Variants in RXRG observed in about 807,000 individuals in gnomAD.
The protein encoded by RXRG is retinoic acid receptor RXR-gamma.
RXRG carries 19 observed loss-of-function variants against 49.2 expected under a neutral mutation model. The ratio of observed to expected loss-of-function variants is 0.39; its 90% CI spans 0.27 to 0.57. RXRG has a LOEUF of 0.57. RXRG is among the 20% of genes least tolerant of loss of function. RXRG has a pLI of 0.64. For synonymous variants in RXRG, 224 were observed against 216.6 expected, an observed-to-expected ratio of 1.03 and a Z score of -0.30; for missense variants, 452 against 592.5, an observed-to-expected ratio of 0.76 and a Z score of 2.46.
chr1:165,424,812 G>A, intron 2 of RXRG: 4 of 985,466 alleles, frequency 4.1e-6, no homozygotes, highest in Non-Finnish European at 4.8e-6. Flanking sequence ...ACCAGTCCTG[G>A]GTGAGGAAGG....
In RXRG at chr1:165,428,539, A is replaced by T. The variant is rs552205860; in HGVS notation, c.297+180T>A. ...CATGAGGAGTTGTCAGTTCTTCAGG[A>T]CTGCTCAGCCTGAGGACACATGCAA... On this transcript the variant is annotated intron_variant, in intron 2 of 9. Coordinates refer to ENST00000359842, the MANE Select transcript of RXRG (RefSeq NM_006917.5). 3.9e-5 allele frequency among the ~76,000 whole-genome samples: 6 copies of T among 152,318 alleles called. No individual in the cohort carries two copies. In the East Asian group the frequency reaches 1.2e-3, roughly 29 times the overall value.
intron 4 of RXRG, among the ~76,000 whole-genome samples, chr1:165,412,037 C>G (rs1439073797): frequency 6.6e-6 from 1 of 152,158 alleles, no homozygotes; most frequent in Admixed American, 6.5e-5. Context: ...CCTGAAACTC[C>G]ATGACAGCTA....
intron 1 of RXRG, among the ~76,000 whole-genome samples, chr1:165,433,871 A>T (rs1311098327): frequency 6.6e-6 from 1 of 152,236 alleles, no homozygotes; most frequent in Admixed American, 6.5e-5. Context: ...GAGTGTCACC[A>T]GGAGCCAAAA....
At chr1:165,421,093 TA>T (rs1658296818) in intron 2 of RXRG, among the ~76,000 whole-genome samples, 1 of 152,180 alleles carries the variant, frequency 6.6e-6, no homozygotes, top group Non-Finnish European at 1.5e-5. Flanking sequence ...AAAGGTTCAA[TA>T]AAACAGAAAC....
At chr1:165,407,937 G>T (rs1383568761) in intron 8 of RXRG, among the ~76,000 whole-genome samples, 2 of 151,680 alleles carry the variant, frequency 1.3e-5, no homozygotes, top group African/African-American at 4.8e-5. Flanking sequence ...AATCACAGTG[G>T]CTTTATCTAG....
At position 165,406,891 on chromosome 1, in the gene RXRG, C is replaced by T. The variant is rs1402032423; in HGVS notation, c.1165G>A (p.Glu389Lys). The change falls in exon 9 of 10, where the codon GAG becomes AAG. Residue 389 changes from glutamate to lysine, a missense_variant. Glu to Lys is a moderately conservative substitution (Grantham distance 56). Around this residue, in one of 2 missense-constraint regions of RXRG, gnomAD observed 286 missense variants for 440.9 expected, o/e 0.65. Coordinates refer to ENST00000359842, the MANE Select transcript of RXRG (RefSeq NM_006917.5). The stretch of plus-strand genomic sequence containing the variant: ...ACCTTCTCTCGCAGAGTCTCCACCT[C>T]AGAGGGGTTGGACAGGCCCTTGGCA... ...PDAKGLSNPS[E>K]VETLREKVYA... is the part of the protein sequence containing the mutation. 1 of 1,613,918 alleles carries T rather than the reference C, an allele frequency of 6.2e-7. No homozygotes were observed. The highest frequency in any genetic ancestry group is 2.2e-5 in the East Asian group (1 of 44,868).
At chr1:165,406,364 A>AT (rs1407441665) in intron 9 of RXRG, among the ~76,000 whole-genome samples, 1 of 152,178 alleles carries the variant, frequency 6.6e-6, no homozygotes, top group African/African-American at 2.4e-5. Context: ...GGGGGTTTCT[A>AT]TGGGGGCAGA....
Position 165,409,551 on chromosome 1 carries a change from G to C in RXRG, c.1046+7C>G. The C allele has an allele frequency of 6.8e-7, 1 of 1,469,476 alleles. No homozygotes were observed. Among genetic ancestry groups the C allele is most frequent in the Non-Finnish European group, 9.0e-7 (1 of 1,110,248 alleles). The allele number at this position is 1,469,476 out of a possible 1,614,324, so 91.0% of individuals were successfully genotyped here. A position where few individuals can be genotyped will look rare whatever the true frequency, so the allele number is the denominator to read the frequency against. The stretch of plus-strand genomic sequence containing the variant: ...ACACACAAATACTGGAAGCAGGAGA[G>C]AGACACCTGTCAAAGATGGAGCCGA... On this transcript the variant is annotated splice_region_variant and intron_variant, in intron 7 of 9. Coordinates refer to ENST00000359842, the MANE Select transcript of RXRG (RefSeq NM_006917.5).
chr1:165,425,517 A>T (rs1658455037), intron 2 of RXRG, among the ~76,000 whole-genome samples: 1 of 152,150 alleles, frequency 6.6e-6, no homozygotes, highest in African/African-American at 2.4e-5. Context: ...CTGTACTTTC[A>T]TCCCCAAACT....
intron 2 of RXRG, among the ~76,000 whole-genome samples, chr1:165,428,485 G>T (rs922388131): frequency 6.6e-6 from 1 of 152,240 alleles, no homozygotes; most frequent in African/African-American, 2.4e-5. Flanking sequence ...CTACAAGGAA[G>T]GCCCCCTTTT....
In RXRG at chr1:165,410,943, A is replaced by G; in HGVS notation, c.783+6T>C. On this transcript the variant is annotated splice_donor_region_variant and intron_variant, in intron 5 of 9. Transcript: ENST00000359842. ...GGAACACACATGTGTGTCTAAGAGC[A>G]CATACCGAGTTCTCCATATTCATGT... 1 of 1,614,074 alleles carries G rather than the reference A, an allele frequency of 6.2e-7. No individual in the cohort carries two copies. Among genetic ancestry groups the G allele is most frequent in the African/African-American group, 1.3e-5 (1 of 75,056 alleles).
intron 1 of RXRG, among the ~76,000 whole-genome samples, chr1:165,435,405 G>C (rs930880142): frequency 2.0e-5 from 3 of 152,108 alleles, no homozygotes; most frequent in African/African-American, 7.2e-5. Flanking sequence ...GAGCCACAGG[G>C]AGATTGAGCA....
chr1:165,411,202 A>G (rs987376283), intron 4 of RXRG, 93 bp from the exon 5 acceptor site: 2 of 1,235,264 alleles, frequency 1.6e-6, no homozygotes, highest in African/African-American at 1.5e-5. Flanking sequence ...TTACTCATCT[A>G]TGAAAGGGGA....
chr1:165,430,261 C>T (rs1658627951), intron 1 of RXRG, among the ~76,000 whole-genome samples: 1 of 152,176 alleles, frequency 6.6e-6, no homozygotes, highest in Admixed American at 6.5e-5. Context: ...CTTTATGTGG[C>T]TCATTATTCA....
At position 165,444,968 on chromosome 1, in the gene RXRG, C is replaced by T; in HGVS notation, c.-75G>A. On this transcript the variant is annotated 5_prime_UTR_variant, in exon 1 of 10. Coordinates refer to ENST00000359842, the MANE Select transcript of RXRG (RefSeq NM_006917.5). ...CGCCTCTCTCGGCTCCCAGGCACAG[C>T]CCGGCTTTCTTCAACTTGGGCTAAC... is the stretch of plus-strand genomic sequence containing the variant. The T allele has an allele frequency of 1.4e-6, 2 of 1,434,734 alleles. No homozygotes were observed. Among genetic ancestry groups the T allele is most frequent in the Non-Finnish European group, 2.0e-6 (2 of 1,017,474 alleles). The allele number at this position is 1,434,734 out of a possible 1,614,324, so 88.9% of individuals were successfully genotyped here. A position where few individuals can be genotyped will look rare whatever the true frequency, so the allele number is the denominator to read the frequency against.
At position 165,444,046 on chromosome 1, in the gene RXRG, GA is replaced by G. The variant is rs796430007; in HGVS notation, c.49+798del. Among the ~76,000 whole-genome samples the G allele has an allele frequency of 5.2e-3, 791 of 152,280 alleles. 7 individuals carry two copies. Among genetic ancestry groups the G allele is most frequent in the African/African-American group, 0.018 (743 of 41,560 alleles). Reference sequence around the variant, plus strand: ...ACTAAATCAAGGGATCCTTGGGACGGATGTGCTTGGGCGTTAAGGCAGCCTG... The same window carrying G: ...ACTAAATCAAGGGATCCTTGGGACGGTGTGCTTGGGCGTTAAGGCAGCCTG... On this transcript the variant is annotated intron_variant, in intron 1 of 9. Transcript: ENST00000359842.
rs190046252 is a variant in RXRG, at chr1:165,401,774, C to T, written c.1245-364G>A. ...ACATTCTCTGTGTCCCTCGGGTACC[C>T]GCACAGATCTGCTGAGGCACTTAGA... On this transcript the variant is annotated intron_variant, in intron 9 of 9. Transcript: ENST00000359842. Among the ~76,000 whole-genome samples the T allele has an allele frequency of 4.9e-3, 751 of 152,340 alleles. 11 individuals carry two copies. The highest frequency in any genetic ancestry group is 0.017 in the African/African-American group (719 of 41,582).
intron 2 of RXRG, among the ~76,000 whole-genome samples, chr1:165,427,583 C>T (rs1358514742): frequency 6.6e-6 from 1 of 152,184 alleles, no homozygotes; most frequent in Non-Finnish European, 1.5e-5. Flanking sequence ...GCTGGGATTA[C>T]AGGCACCTGC....
chr1:165,414,326 G>C (rs1658055491), intron 4 of RXRG, among the ~76,000 whole-genome samples: 1 of 152,148 alleles, frequency 6.6e-6, no homozygotes, highest in Non-Finnish European at 1.5e-5. Context: ...CCAAACCATA[G>C]AAGTGTCTCT....
Sources: allele counts gnomAD v4.1 joint callset (sites outside exome capture counted in the v4.1 genomes callset), GRCh38; gene constraint gnomAD v4.1.1; regional missense constraint gnomAD v4.1.1; transcripts MANE v1.5; gene names NCBI Gene and HGNC (gene_info 2026-07-23, HGNC 2026-07-21).